UMAD1: variants seen among roughly 807,000 people sequenced by gnomAD.
The protein encoded by UMAD1 is UBAP1-MVB12-associated (UMA) domain containing 1.
UMAD1 carries 8 observed loss-of-function variants against 6.1 expected under a neutral mutation model. That is an observed-to-expected ratio of 1.30 (90% CI 0.76 to 2.35). The LOEUF is 2.35. Ranked by LOEUF, UMAD1 falls within the 30% of genes most tolerant of loss-of-function variation. UMAD1 has a pLI of 0.00. For synonymous variants in UMAD1, 56 were observed against 31.4 expected, an observed-to-expected ratio of 1.78 and a Z score of -2.61; for missense variants, 130 against 78.4, an observed-to-expected ratio of 1.66 and a Z score of -2.49.
chr7:7,670,700 T>C (rs1779584882), intron 1 of UMAD1, among the ~76,000 whole-genome samples: 1 of 152,188 alleles, frequency 6.6e-6, no homozygotes. Context: ...GTCTGGAGAC[T>C]TCATGAACTA....
At chr7:7,773,219 A>T (rs1782136212) in intron 2 of UMAD1, among the ~76,000 whole-genome samples, 1 of 152,206 alleles carries the variant, frequency 6.6e-6, no homozygotes, top group Non-Finnish European at 1.5e-5. Flanking sequence ...TTTTATAATA[A>T]AGTTGTGAGG....
chr7:7,792,775 C>A (rs1782593327), intron 2 of UMAD1, among the ~76,000 whole-genome samples: 2 of 152,178 alleles, frequency 1.3e-5, no homozygotes, highest in African/African-American at 4.8e-5. Context: ...TCTCGCAGTT[C>A]TGGAAGTTGA....
At chr7:7,650,034 G>A (rs1057323235) in intron 1 of UMAD1, among the ~76,000 whole-genome samples, 1 of 152,104 alleles carries the variant, frequency 6.6e-6, no homozygotes, top group Non-Finnish European at 1.5e-5. Context: ...CCTAATTCAT[G>A]GTATTTTGTT....
In UMAD1 at chr7:7,872,495, AT is replaced by A. The variant is rs575072399; in HGVS notation, c.157-4785del. On this transcript the variant is annotated intron_variant, in intron 3 of 3. Coordinates refer to ENST00000682710, the MANE Select transcript of UMAD1 (RefSeq NM_001302348.2). Reference sequence around the variant, plus strand: ...GTGGCACTGCAAAACAAATACAATAATAGCATCAAAGATCACTGATCATGCC... The same window carrying A: ...GTGGCACTGCAAAACAAATACAATAAAGCATCAAAGATCACTGATCATGCC... Among the ~76,000 whole-genome samples the A allele has an allele frequency of 9.1e-4, 138 of 152,340 alleles. 2 individuals are homozygous for A. The highest frequency in any genetic ancestry group is 1.5e-3 in the Non-Finnish European group (105 of 68,022).
intron 1 of UMAD1, among the ~76,000 whole-genome samples, chr7:7,645,176 G>A (rs1785065630): frequency 6.6e-6 from 1 of 151,930 alleles, no homozygotes; most frequent in Non-Finnish European, 1.5e-5. Flanking sequence ...AATAATTATA[G>A]TTTTGTTTCT....
At chr7:7,715,399 T>G (rs569369128) in intron 2 of UMAD1, among the ~76,000 whole-genome samples, 43 of 152,332 alleles carry the variant, frequency 2.8e-4, no homozygotes, top group South Asian at 1.0e-3. Flanking sequence ...AATCTGAAAC[T>G]CAAAGCTACT....
intron 2 of UMAD1, among the ~76,000 whole-genome samples, chr7:7,734,657 C>T (rs1177101802): frequency 6.6e-6 from 1 of 152,124 alleles, no homozygotes; most frequent in Non-Finnish European, 1.5e-5. Context: ...AGCCCTTCGC[C>T]ATATCATGCT....
chr7:7,797,967 G>A (rs756363805), intron 2 of UMAD1, among the ~76,000 whole-genome samples: 22 of 152,180 alleles, frequency 1.4e-4, no homozygotes, highest in Non-Finnish European at 2.9e-4. Flanking sequence ...GATTATAGGC[G>A]TGAGCCACCG....
At chr7:7,725,461 G>A (rs1781122504) in intron 2 of UMAD1, among the ~76,000 whole-genome samples, 1 of 152,182 alleles carries the variant, frequency 6.6e-6, no homozygotes. Context: ...TCACAGTGGA[G>A]GCCTCTAAGA....
rs927970631 is a variant in UMAD1, at chr7:7,878,999, T to G, written c.*1461T>G. 1.3e-5 allele frequency: 2 copies of G among 152,170 alleles called. No individual in the cohort carries two copies. The highest frequency in any genetic ancestry group is 4.8e-5 in the African/African-American group (2 of 41,444). 9.4% of individuals were successfully genotyped at this position (152,170 alleles called of 1,614,324 possible). ...TAGTAGTTTTGTAAAAGAACATCCT[T>G]TTCAAATATCTGTGTTAATGTACCC... On this transcript the variant is annotated 3_prime_UTR_variant, in exon 4 of 4. Transcript: ENST00000682710.
At position 7,873,527 on chromosome 7, in the gene UMAD1, C is replaced by A. The variant is rs114629107; in HGVS notation, c.157-3754C>A. Among the ~76,000 whole-genome samples, 106 of 152,314 alleles carry A rather than the reference C, an allele frequency of 7.0e-4. 1 individual carries two copies. Among genetic ancestry groups the A allele is most frequent in the African/African-American group, 2.5e-3 (103 of 41,566 alleles). On this transcript the variant is annotated intron_variant, in intron 3 of 3. Coordinates refer to ENST00000682710, the MANE Select transcript of UMAD1 (RefSeq NM_001302348.2). ...TGCAGATGTACATCTTTATAACAAG[C>A]TTTATCATAATAGAGTATGATTACA...
chr7:7,745,007 C>T (rs894586769), intron 2 of UMAD1, among the ~76,000 whole-genome samples: 1 of 152,144 alleles, frequency 6.6e-6, no homozygotes, highest in Non-Finnish European at 1.5e-5. Flanking sequence ...GACTGGAAGT[C>T]TTACTGATAA....
intron 2 of UMAD1, among the ~76,000 whole-genome samples, chr7:7,719,679 G>C (rs1044079424): frequency 5.9e-5 from 9 of 152,100 alleles, no homozygotes; most frequent in Non-Finnish European, 1.2e-4. Flanking sequence ...GTACTTTGCA[G>C]TACTTTATAA....
Position 7,761,320 on chromosome 7 carries a change from G to A in UMAD1, c.83-40350G>A, listed in dbSNP as rs139575524. Among the ~76,000 whole-genome samples the A allele has an allele frequency of 1.2e-4, 17 of 137,366 alleles. No individual in the cohort carries two copies. The East Asian group carries it at 2.2e-3, about 18-fold the overall frequency. The allele number at this position is 137,366 out of a possible 152,430, so 90.1% of individuals were successfully genotyped here. A position where few individuals can be genotyped will look rare whatever the true frequency, so the allele number is the denominator to read the frequency against. ...GTCAAGGATACAGTGAGCTGTGATC[G>A]TGTCACTGTACTCCATCCTGGGTGA... On this transcript the variant is annotated intron_variant, in intron 2 of 3. Transcript: ENST00000682710.
At chr7:7,681,028 A>C (rs1380613704) in intron 2 of UMAD1, among the ~76,000 whole-genome samples, 1 of 152,098 alleles carries the variant, frequency 6.6e-6, no homozygotes, top group African/African-American at 2.4e-5. Flanking sequence ...CAGAAAAATA[A>C]ATATATTTTG....
chr7:7,754,858 C>T (rs187436245), intron 2 of UMAD1, among the ~76,000 whole-genome samples: 1 of 152,268 alleles, frequency 6.6e-6, no homozygotes, highest in East Asian at 1.9e-4. Flanking sequence ...CAAACGAGAT[C>T]ATACTCTGCA....
chr7:7,669,016 C>A (rs1451395417), intron 1 of UMAD1, among the ~76,000 whole-genome samples: 1 of 151,854 alleles, frequency 6.6e-6, no homozygotes, highest in African/African-American at 2.4e-5. Context: ...GGGAGAAAAC[C>A]CACACAGACG....
At chr7:7,731,355 A>T (rs764353419) in intron 2 of UMAD1, among the ~76,000 whole-genome samples, 2 of 152,096 alleles carry the variant, frequency 1.3e-5, no homozygotes, top group Non-Finnish European at 2.9e-5. Context: ...ATGGTCTGTA[A>T]AGGAAACAGG....
intron 2 of UMAD1, among the ~76,000 whole-genome samples, chr7:7,716,816 GGC>G (rs1412717831): frequency 6.6e-6 from 1 of 152,068 alleles, no homozygotes; most frequent in Non-Finnish European, 1.5e-5. Flanking sequence ...CATGGTGGCG[GGC>G]GCCCATAATC....
Sources: allele counts gnomAD v4.1 joint callset (sites outside exome capture counted in the v4.1 genomes callset), GRCh38; gene constraint gnomAD v4.1.1; transcripts MANE v1.5; gene names NCBI Gene and HGNC (gene_info 2026-07-23, HGNC 2026-07-21).